Variants in CMIP observed in about 807,000 individuals in gnomAD.
CMIP encodes c-Maf inducing protein.
CMIP carries 13 observed loss-of-function variants against 97.3 expected under a neutral mutation model. The observed-to-expected ratio is 0.13, with a 90% CI of 0.09 to 0.21. The LOEUF (loss-of-function observed/expected upper bound fraction) is 0.21. Among genes scored for constraint, CMIP ranks in the 10% least tolerant of loss-of-function variants. The pLI is 1.00. For missense variants in CMIP, 847 were observed against 1,024.9 expected (o/e 0.83, Z 2.37); for synonymous variants, 538 against 436.3 (o/e 1.23, Z -2.91).
chr16:81,493,359 GT>G (rs1555522583), intron 1 of CMIP, among the ~76,000 whole-genome samples: 1 of 79,956 alleles, frequency 1.3e-5, no homozygotes, highest in Admixed American at 1.4e-4. Flanking sequence ...CGCGTTACCT[GT>G]CGTTACCTGT....
At chr16:81,662,451 T>A (rs1184133150) in intron 6 of CMIP, among the ~76,000 whole-genome samples, 1 of 152,146 alleles carries the variant, frequency 6.6e-6, no homozygotes. Context: ...GTGTGGGTGT[T>A]TCAAAGAGGG....
At chr16:81,459,282 GTTTTC>G (rs1850759580) in intron 1 of CMIP, among the ~76,000 whole-genome samples, 1 of 152,226 alleles carries the variant, frequency 6.6e-6, no homozygotes. Flanking sequence ...AAGTCTCACA[GTTTTC>G]TTGGAAACCT....
At chr16:81,595,706 G>T (rs974459267) in intron 1 of CMIP, among the ~76,000 whole-genome samples, 3 of 152,046 alleles carry the variant, frequency 2.0e-5, no homozygotes, top group African/African-American at 4.8e-5. Flanking sequence ...TACTTTCAAG[G>T]TTCATCCATG....
chr16:81,612,071 A>G (rs1326856507), intron 2 of CMIP, among the ~76,000 whole-genome samples: 1 of 152,222 alleles, frequency 6.6e-6, no homozygotes, highest in African/African-American at 2.4e-5. Context: ...CCTTTCTGCT[A>G]GCATTTCATT....
At chr16:81,613,044 C>T (rs2091857556) in intron 2 of CMIP, among the ~76,000 whole-genome samples, 1 of 152,200 alleles carries the variant, frequency 6.6e-6, no homozygotes. Context: ...CTTAGAGATG[C>T]CTGTGCTGGG....
intron 1 of CMIP, among the ~76,000 whole-genome samples, chr16:81,532,558 A>G (rs1303350198): frequency 6.6e-6 from 1 of 152,044 alleles, no homozygotes; most frequent in African/African-American, 2.4e-5. Flanking sequence ...TCTCGCCACC[A>G]CAGGAGGCCT....
intron 1 of CMIP, among the ~76,000 whole-genome samples, chr16:81,505,621 C>T (rs562649412): frequency 6.6e-6 from 1 of 152,346 alleles, no homozygotes; most frequent in South Asian, 2.1e-4. Context: ...TGCACAGAAA[C>T]TTTGGCCAAG....
intron 15 of CMIP, 24 bp downstream of exon 15, chr16:81,699,825 G>T: frequency 3.3e-6 from 5 of 1,532,328 alleles, no homozygotes; most frequent in Non-Finnish European, 4.5e-6. Flanking sequence ...CGGGGTCCCT[G>T]GTGGGGTGGC....
chr16:81,578,104 CACT>C (rs1567590365), intron 1 of CMIP, among the ~76,000 whole-genome samples: 1 of 151,904 alleles, frequency 6.6e-6, no homozygotes, highest in African/African-American at 2.4e-5. Flanking sequence ...TCCCAATTAC[CACT>C]ACATTATTAT....
intron 10 of CMIP, among the ~76,000 whole-genome samples, chr16:81,687,057 C>G (rs1905480114): frequency 6.6e-6 from 1 of 152,236 alleles, no homozygotes; most frequent in South Asian, 2.1e-4. Flanking sequence ...AAGTCAGCAT[C>G]CCACTCGATC....
At chr16:81,451,684 G>A (rs1038148440) in intron 1 of CMIP, among the ~76,000 whole-genome samples, 1 of 152,162 alleles carries the variant, frequency 6.6e-6, no homozygotes, top group Admixed American at 6.5e-5. Flanking sequence ...CTGGCCACTT[G>A]GTCTTCCCTG....
chr16:81,555,262 G>A (rs1284772967), intron 1 of CMIP, among the ~76,000 whole-genome samples: 1 of 152,202 alleles, frequency 6.6e-6, no homozygotes, highest in African/African-American at 2.4e-5. Context: ...GTGTGGTGCT[G>A]AGATAGATAC....
At chr16:81,614,000 G>T (rs1246960803) in intron 2 of CMIP, among the ~76,000 whole-genome samples, 1 of 152,212 alleles carries the variant, frequency 6.6e-6, no homozygotes, top group Non-Finnish European at 1.5e-5. Context: ...GCCTGCAGAA[G>T]AAGGACAACT....
chr16:81,566,419 C>T (rs1247964481), intron 1 of CMIP, among the ~76,000 whole-genome samples: 1 of 152,234 alleles, frequency 6.6e-6, no homozygotes, highest in Non-Finnish European at 1.5e-5. Context: ...TCAGGCAGGT[C>T]CTGCTCATGG....
At chr16:81,517,168 G>A in intron 1 of CMIP, among the ~76,000 whole-genome samples, 1 of 150,298 alleles carries the variant, frequency 6.7e-6, no homozygotes, top group Non-Finnish European at 1.5e-5. Flanking sequence ...AACCCAGACG[G>A]CCTCCAAGGT....
At chr16:81,687,984 A>C (rs928729269) in intron 10 of CMIP, among the ~76,000 whole-genome samples, 2 of 152,254 alleles carry the variant, frequency 1.3e-5, no homozygotes, top group African/African-American at 4.8e-5. Flanking sequence ...CCCATGAGCG[A>C]ACACAAGCAG....
At chr16:81,686,777 T>C (rs549012450) in intron 10 of CMIP, among the ~76,000 whole-genome samples, 1 of 152,110 alleles carries the variant, frequency 6.6e-6, no homozygotes, top group Non-Finnish European at 1.5e-5. Flanking sequence ...ACATTTGTAC[T>C]TGGTGAAAAA....
chr16:81,531,932 G>T (rs1383751761), intron 1 of CMIP, among the ~76,000 whole-genome samples: 1 of 152,202 alleles, frequency 6.6e-6, no homozygotes, highest in Non-Finnish European at 1.5e-5. Context: ...CATGGGTTTG[G>T]TTTGTCTTCT....
chr16:81,661,615 C>A (rs1317922740), intron 6 of CMIP, among the ~76,000 whole-genome samples: 1 of 152,230 alleles, frequency 6.6e-6, no homozygotes, highest in Non-Finnish European at 1.5e-5. Flanking sequence ...CTGCCTCCTG[C>A]CACGGTCACC....
Sources: allele counts gnomAD v4.1 joint callset (sites outside exome capture counted in the v4.1 genomes callset), GRCh38; gene constraint gnomAD v4.1.1; transcripts MANE v1.5; gene names NCBI Gene and HGNC (gene_info 2026-07-23, HGNC 2026-07-21).